Variants in SPHKAP observed in about 807,000 individuals in gnomAD.
SPHKAP encodes the protein SPHK1 interactor, AKAP domain containing.
In SPHKAP, 67 loss-of-function variants were observed where a neutral mutation model predicts 137.5. That is an observed-to-expected ratio of 0.49 (90% CI 0.40 to 0.60). The LOEUF (loss-of-function observed/expected upper bound fraction) is 0.60. Ranked by LOEUF, SPHKAP falls within the 20% of genes least tolerant of loss-of-function variation. The pLI, the probability that SPHKAP is intolerant of heterozygous loss-of-function variation, is 0.00. For missense variants in SPHKAP, 2,097 were observed against 2,069.3 expected (o/e 1.01, Z -0.26); for synonymous variants, 813 against 785.3 (o/e 1.04, Z -0.59).
Position 228,032,859 on chromosome 2 carries a change from C to A in SPHKAP, c.247-5316G>T, listed in dbSNP as rs370283441. Among the ~76,000 whole-genome samples, 51 of 152,164 alleles carry A rather than the reference C, an allele frequency of 3.4e-4. No individual in the cohort carries two copies. In the South Asian group the frequency reaches 9.1e-3, roughly 27 times the overall value. On this transcript the variant is annotated intron_variant, in intron 3 of 11. Coordinates refer to ENST00000392056, the MANE Select transcript of SPHKAP (RefSeq NM_001142644.2). The stretch of plus-strand genomic sequence containing the variant: ...TTTTGTCACCACCAGGCCTGCCCTA[C>A]AAGAGCTCCTGAAGGAAGCACTAAA...
chr2:228,165,152 AT>A (rs36019677), intron 1 of SPHKAP, among the ~76,000 whole-genome samples: 42,813 of 145,718 alleles, frequency 0.29, 6,148 homozygotes, highest in East Asian at 0.52. Context: ...CTGTGGCAGC[AT>A]TTTTTTTTTT....
chr2:228,035,384 A>G (rs1474841544), intron 3 of SPHKAP, among the ~76,000 whole-genome samples: 1 of 152,208 alleles, frequency 6.6e-6, no homozygotes, highest in African/African-American at 2.4e-5. Flanking sequence ...ATAAAAGAAA[A>G]TACAAACAAA....
At chr2:228,034,846 A>G (rs571275824) in intron 3 of SPHKAP, among the ~76,000 whole-genome samples, 2 of 152,152 alleles carry the variant, frequency 1.3e-5, no homozygotes, top group Non-Finnish European at 2.9e-5. Flanking sequence ...CATGCTAAAA[A>G]CTCTCAATAA....
chr2:228,177,003 G>A (rs12616131), intron 1 of SPHKAP, among the ~76,000 whole-genome samples: 18,934 of 152,130 alleles, frequency 0.12, 1,194 homozygotes, highest in East Asian at 0.2. Context: ...AAAAAACTCA[G>A]TTCAAATGAG....
rs1338676663 is a variant in SPHKAP, at chr2:228,018,317, G to A, written c.2537C>T (p.Pro846Leu). ...KGIAGEDTKS[P>L]HHSENECRAS... ...TCTGCATTCATTCTCACTGTGATGAGGGCTTTTTGTATCCTCTCCTGCTAT... is the reference window on the plus strand; with the variant it reads ...TCTGCATTCATTCTCACTGTGATGAAGGCTTTTTGTATCCTCTCCTGCTAT... Residue 846 changes from proline (P) to leucine (L), a missense_variant, in exon 7 of 12, where the codon CCT (proline) becomes CTT (leucine). By Grantham distance (98) the Pro-to-Leu change is moderately conservative. Transcript: ENST00000392056. 2 of 1,614,076 alleles carry A rather than the reference G, an allele frequency of 1.2e-6. No homozygotes were observed. The highest frequency in any genetic ancestry group is 1.3e-5 in the African/African-American group (1 of 74,928).
rs373263045 is a variant in SPHKAP at position 228,105,842 on chromosome 2, G to A, written c.246+2990C>T. Reference sequence around the variant, plus strand: ...GGCCTCCCCAGCCACGTGGAACTGTGAGTTCATTAAACCTCTTTTTCTTTA... The same window carrying A: ...GGCCTCCCCAGCCACGTGGAACTGTAAGTTCATTAAACCTCTTTTTCTTTA... On this transcript the variant is annotated intron_variant, in intron 3 of 11. Transcript: ENST00000392056. Among the ~76,000 whole-genome samples the A allele has an allele frequency of 7.9e-5, 12 of 152,252 alleles. No individual in the cohort carries two copies. The East Asian group carries it at 1.2e-3, about 15-fold the overall frequency.
At chr2:228,148,745 A>C (rs1699848584) in intron 1 of SPHKAP, among the ~76,000 whole-genome samples, 1 of 152,140 alleles carries the variant, frequency 6.6e-6, no homozygotes, top group African/African-American at 2.4e-5. Flanking sequence ...GACGGAGAGG[A>C]CCACACCCAC....
At chr2:228,064,344 T>A (rs1696756279) in intron 3 of SPHKAP, among the ~76,000 whole-genome samples, 1 of 152,222 alleles carries the variant, frequency 6.6e-6, no homozygotes, top group African/African-American at 2.4e-5. Context: ...AACCTGCCAT[T>A]ATCATCGTGT....
chr2:228,028,444 A>T (rs1695145179), intron 3 of SPHKAP, among the ~76,000 whole-genome samples: 1 of 152,228 alleles, frequency 6.6e-6, no homozygotes, highest in South Asian at 2.1e-4. Context: ...ATAATATTAA[A>T]CAATAAATCT....
chr2:228,037,474 G>A (rs183748205), intron 3 of SPHKAP, among the ~76,000 whole-genome samples: 42 of 152,138 alleles, frequency 2.8e-4, no homozygotes, highest in African/African-American at 9.7e-4. Context: ...ATGTTGCAAT[G>A]TCTGCTTGAG....
At position 228,181,677 on chromosome 2, in the gene SPHKAP, A is replaced by T; in HGVS notation, c.-79T>A. On this transcript the variant is annotated 5_prime_UTR_variant, in exon 1 of 12. Coordinates refer to ENST00000392056, the MANE Select transcript of SPHKAP (RefSeq NM_001142644.2). This position sits in a 1 kb window ranked among gnomAD's most constrained non-coding sequence, Gnocchi z 4.3. The stretch of plus-strand genomic sequence containing the variant: ...TGTGGTGCTAGGACCCAGCTCCCAG[A>T]GTGCCAGACTGGCGCGCGCCAGGAG... 6.2e-7 allele frequency: 1 copy of T among 1,613,520 alleles called. No homozygotes were observed. Among genetic ancestry groups the T allele is most frequent in the Non-Finnish European group, 8.5e-7 (1 of 1,179,626 alleles).
At chr2:228,045,733 A>AAACTT (rs1326653457) in intron 3 of SPHKAP, among the ~76,000 whole-genome samples, 3 of 152,014 alleles carry the variant, frequency 2.0e-5, no homozygotes, top group African/African-American at 7.3e-5. Flanking sequence ...ACGTACCCTA[A>AAACTT]AACTTAAAGT....
rs775821901 is a variant in SPHKAP at position 227,981,894 on chromosome 2, C to G, written c.4960-34G>C. 6 of 1,591,818 alleles carry G rather than the reference C, an allele frequency of 3.8e-6. No individual in the cohort carries two copies. In the South Asian group the frequency reaches 6.9e-5, roughly 18 times the overall value. On this transcript the variant is annotated intron_variant, in intron 11 of 11. Transcript: ENST00000392056. ...AAACGGAGAGTTAGGGCTCACAGAG[C>G]ACAGAGGGTCCTCAAAGCCACCTCA...
chr2:228,049,848 A>G (rs1574800203), intron 3 of SPHKAP, among the ~76,000 whole-genome samples: 1 of 152,184 alleles, frequency 6.6e-6, no homozygotes, highest in Non-Finnish European at 1.5e-5. Flanking sequence ...TTATGGCTGC[A>G]TAGCATTCCA....
Position 228,175,752 on chromosome 2 carries a change from G to T in SPHKAP, c.32+5815C>A, listed in dbSNP as rs1240734436. Among the ~76,000 whole-genome samples, 3 of 152,000 alleles carry T rather than the reference G, an allele frequency of 2.0e-5. No homozygotes were observed. The East Asian group carries it at 5.8e-4, about 29-fold the overall frequency. ...AAGAGATTTTTAGATGAGATAAAAAGGTAAGATACAATACCCTATCTATAA... is the reference window on the plus strand; with the variant it reads ...AAGAGATTTTTAGATGAGATAAAAATGTAAGATACAATACCCTATCTATAA... On this transcript the variant is annotated intron_variant, in intron 1 of 11. Transcript: ENST00000392056.
At chr2:228,088,592 C>T (rs1477865537) in intron 3 of SPHKAP, among the ~76,000 whole-genome samples, 1 of 152,198 alleles carries the variant, frequency 6.6e-6, no homozygotes. Context: ...CTCCAAATCT[C>T]ATGGTGAAAT....
intron 1 of SPHKAP, among the ~76,000 whole-genome samples, chr2:228,150,936 T>A (rs1456208794): frequency 6.6e-6 from 1 of 151,478 alleles, no homozygotes; most frequent in Admixed American, 6.6e-5. Context: ...TTATTTATTT[T>A]ATTATTATTA....
rs779928074 is a variant in SPHKAP at position 228,020,188 on chromosome 2, T to C, written c.698-32A>G. On this transcript the variant is annotated intron_variant, in intron 6 of 11. Transcript: ENST00000392056. ...AGGAGAAAATGAGGGGCACTATTAC[T>C]TTTTGGATAGCAGGTTACCATAAGT... 8.4e-6 allele frequency: 13 copies of C among 1,542,664 alleles called. No homozygotes were observed. In the African/African-American group the frequency reaches 1.2e-4, roughly 15 times the overall value.
At chr2:228,123,937 A>G (rs1367763495) in intron 2 of SPHKAP, among the ~76,000 whole-genome samples, 4 of 152,248 alleles carry the variant, frequency 2.6e-5, no homozygotes, top group Admixed American at 2.0e-4. Flanking sequence ...ATGAACAAAC[A>G]CTTCTCAAAA....
Sources: gnomAD v4.1 joint callset for allele counts (sites outside exome capture counted in the v4.1 genomes callset) on GRCh38, gnomAD v4.1.1 for gene constraint, Gnocchi (gnomAD v3.1) non-coding constraint, MANE v1.5 for transcripts, NCBI Gene and HGNC (gene_info 2026-07-23, HGNC 2026-07-21) for gene names.